KCNT2: variants seen among roughly 807,000 people sequenced by gnomAD.
The protein encoded by KCNT2 is potassium sodium-activated channel subfamily T member 2, also known as potassium channel subfamily T member 2.
In KCNT2, 67 loss-of-function variants were observed where a neutral mutation model predicts 153.8. That is an observed-to-expected ratio of 0.44 (90% CI 0.36 to 0.53). The LOEUF is 0.53. Ranked by LOEUF, KCNT2 falls within the 20% of genes least tolerant of loss-of-function variation. The probability of loss-of-function intolerance (pLI) is 0.00; values close to 1 mark genes in which losing one functional copy is unlikely to be tolerated. For missense variants in KCNT2, 975 were observed against 1,354.8 expected (o/e 0.72, Z 4.40); for synonymous variants, 500 against 458.8 (o/e 1.09, Z -1.15).
chr1:196,227,458 C>T lies in KCNT2; in HGVS notation c.*766G>A, dbSNP rs1398204494. ...AACAAATGTGTATTAAGTATTTTCT[C>T]TATGCTAGGCATTCGTTTAGGAGAA... is the stretch of plus-strand genomic sequence containing the variant. On this transcript the variant is annotated 3_prime_UTR_variant, in exon 28 of 28. Coordinates refer to ENST00000294725, the MANE Select transcript of KCNT2 (RefSeq NM_198503.5). 6.6e-6 allele frequency: 1 copy of T among 151,968 alleles called. No individual in the cohort carries two copies. The allele number at this position is 151,968 out of a possible 1,614,324, so 9.4% of individuals were successfully genotyped here. A position where few individuals can be genotyped will look rare whatever the true frequency, so the allele number is the denominator to read the frequency against.
At chr1:196,492,797 C>T (rs1679956053) in intron 1 of KCNT2, among the ~76,000 whole-genome samples, 1 of 152,114 alleles carries the variant, frequency 6.6e-6, no homozygotes, top group African/African-American at 2.4e-5. Flanking sequence ...TCTACTTATT[C>T]AGAATTTTAA....
chr1:196,450,429 T>C (rs1472660202), intron 8 of KCNT2, among the ~76,000 whole-genome samples: 1 of 151,910 alleles, frequency 6.6e-6, no homozygotes, highest in African/African-American at 2.4e-5. Context: ...CATCTCCCCT[T>C]GTATTTCTAA....
chr1:196,343,920 C>CA (rs1190299564), intron 14 of KCNT2, among the ~76,000 whole-genome samples: 5 of 152,154 alleles, frequency 3.3e-5, no homozygotes, highest in African/African-American at 1.2e-4. Flanking sequence ...GCTGGGATTA[C>CA]AGGCACCTGC....
intron 25 of KCNT2, among the ~76,000 whole-genome samples, chr1:196,263,445 A>G (rs531771063): frequency 6.6e-6 from 1 of 152,204 alleles, no homozygotes; most frequent in East Asian, 1.9e-4. Flanking sequence ...ATGAGAACAC[A>G]TGGACACAGG....
intron 1 of KCNT2, among the ~76,000 whole-genome samples, chr1:196,503,759 G>C (rs1680889697): frequency 6.6e-6 from 1 of 152,164 alleles, no homozygotes; most frequent in South Asian, 2.1e-4. Context: ...CTAACATGCA[G>C]TGAAGGAAGC....
intron 8 of KCNT2, among the ~76,000 whole-genome samples, chr1:196,433,324 A>G (rs1674325212): frequency 1.3e-5 from 2 of 152,102 alleles, no homozygotes; most frequent in African/African-American, 4.8e-5. Flanking sequence ...AAATTAAAAG[A>G]AGCCAAGTTC....
intron 22 of KCNT2, among the ~76,000 whole-genome samples, chr1:196,297,114 C>A (rs757559675): frequency 1.5e-4 from 22 of 151,400 alleles, no homozygotes; most frequent in Non-Finnish European, 3.1e-4. Flanking sequence ...CAATCTCTCT[C>A]TCTTTCTCTC....
At chr1:196,357,252 T>G (rs192383488) in intron 14 of KCNT2, among the ~76,000 whole-genome samples, 3 of 151,964 alleles carry the variant, frequency 2.0e-5, no homozygotes, top group South Asian at 2.1e-4. Flanking sequence ...GAGAGTCAAG[T>G]GGAGGGCTTC....
At chr1:196,380,092 A>C (rs752907888) in intron 13 of KCNT2, among the ~76,000 whole-genome samples, 85 of 152,190 alleles carry the variant, frequency 5.6e-4, no homozygotes, top group Non-Finnish European at 5.7e-4. Context: ...CTTTTGTAAA[A>C]ATGCTGAATT....
At chr1:196,404,001 G>T in intron 12 of KCNT2, 1 of 177,804 alleles carries the variant, frequency 5.6e-6, no homozygotes, top group Non-Finnish European at 1.1e-5. Context: ...TGGCTTATCT[G>T]ACACCATGCA....
At chr1:196,351,738 T>C (rs187378465) in intron 14 of KCNT2, among the ~76,000 whole-genome samples, 4 of 152,252 alleles carry the variant, frequency 2.6e-5, no homozygotes, top group Admixed American at 2.6e-4. Flanking sequence ...CTTCCAACAC[T>C]ATGTTGAATA....
At chr1:196,307,599 A>G (rs1186905487) in intron 21 of KCNT2, among the ~76,000 whole-genome samples, 1 of 152,118 alleles carries the variant, frequency 6.6e-6, no homozygotes, top group Non-Finnish European at 1.5e-5. Flanking sequence ...TCTTTGTTAA[A>G]CAATTTCTCA....
intron 22 of KCNT2, among the ~76,000 whole-genome samples, chr1:196,296,174 A>ACT (rs1202112864): frequency 6.6e-6 from 1 of 151,968 alleles, no homozygotes; most frequent in African/African-American, 2.4e-5. Flanking sequence ...TATTAAAGAT[A>ACT]AACTGTCCTA....
intron 23 of KCNT2, among the ~76,000 whole-genome samples, chr1:196,283,832 G>T (rs1437479050): frequency 6.6e-6 from 1 of 151,980 alleles, no homozygotes; most frequent in East Asian, 1.9e-4. Flanking sequence ...GAGCAGAAAG[G>T]GTAAGTGTTG....
At chr1:196,372,392 T>TA (rs1351633035) in intron 14 of KCNT2, among the ~76,000 whole-genome samples, 2 of 151,966 alleles carry the variant, frequency 1.3e-5, no homozygotes, top group Non-Finnish European at 2.9e-5. Context: ...AAGTGGAATT[T>TA]ACTTCGAAAA....
At chr1:196,383,340 A>C (rs574270588) in intron 13 of KCNT2, among the ~76,000 whole-genome samples, 1 of 152,314 alleles carries the variant, frequency 6.6e-6, no homozygotes, top group African/African-American at 2.4e-5. Context: ...TGTTTTCCAA[A>C]GAGACAGTCC....
chr1:196,432,392 G>T (rs778647468), intron 8 of KCNT2, among the ~76,000 whole-genome samples: 19 of 152,114 alleles, frequency 1.2e-4, no homozygotes, highest in Non-Finnish European at 2.6e-4. Context: ...TGAAATGCCA[G>T]TGTGGGAGAG....
chr1:196,342,114 C>T lies in KCNT2; in HGVS notation c.1518G>A (p.Lys506=), dbSNP rs947886420. 6.2e-7 allele frequency: 1 copy of T among 1,611,292 alleles called. No homozygotes were observed. Among genetic ancestry groups the T allele is most frequent in the Non-Finnish European group, 8.5e-7 (1 of 1,178,694 alleles). ...ESTFFAEYEG[K]SFTYASFHAH... ...CATGGAAAGAGGCATATGTAAAACT[C>T]TTTCCTTCATATTCAGCAAAAAATG... The change falls in exon 15 of 28, where the codon AAG becomes AAA. Residue 506 remains lysine, a synonymous_variant. Transcript: ENST00000294725.
intron 15 of KCNT2, 66 bp from the exon 16 acceptor site, chr1:196,340,636 A>C: frequency 1.1e-6 from 1 of 937,672 alleles, no homozygotes; most frequent in East Asian, 2.6e-5. Flanking sequence ...GAGGAAAATA[A>C]AAGCTTTAAA....
Sources: gnomAD v4.1 joint callset for allele counts (sites outside exome capture counted in the v4.1 genomes callset) on GRCh38, gnomAD v4.1.1 for gene constraint, MANE v1.5 for transcripts, NCBI Gene and HGNC (gene_info 2026-07-23, HGNC 2026-07-21) for gene names.